The following TBCE variants were observed in gnomAD, a reference collection of about 807,000 sequenced individuals.
The protein encoded by TBCE is tubulin-specific chaperone E.
A neutral mutation model predicts 77.0 loss-of-function variants in TBCE; 53 were observed. That is an observed-to-expected ratio of 0.69 (90% CI 0.55 to 0.87). The LOEUF (loss-of-function observed/expected upper bound fraction) is 0.87. TBCE is among the 40% of genes least tolerant of loss of function. The pLI is 0.00. For missense variants in TBCE, 624 were observed against 622.4 expected, an observed-to-expected ratio of 1.00 and a Z score of -0.03; for synonymous variants, 235 against 241.3, an observed-to-expected ratio of 0.97 and a Z score of 0.24.
chr1:235,431,363 CT>C (rs60208965), intron 7 of TBCE, among the ~76,000 whole-genome samples: 3,530 of 141,108 alleles, frequency 0.025, 114 homozygotes, highest in African/African-American at 0.079. Context: ...ATTCCACTTT[CT>C]TTTTTTTTTT....
chr1:235,406,169 T>C (rs1679413669), intron 3 of TBCE, among the ~76,000 whole-genome samples: 1 of 152,230 alleles, frequency 6.6e-6, no homozygotes, highest in East Asian at 1.9e-4. Context: ...CATTTCAGGA[T>C]ATTTATGGGG....
intron 3 of TBCE, among the ~76,000 whole-genome samples, chr1:235,405,635 C>CAA (rs768409443): frequency 1.5e-5 from 2 of 136,750 alleles, no homozygotes; most frequent in African/African-American, 5.4e-5. Flanking sequence ...AACTGTGTCT[C>CAA]AAAAAAAAAA....
rs1040924750 is a variant in TBCE at position 235,434,110 on chromosome 1, T to C, written c.661-94T>C. The C allele has an allele frequency of 5.4e-6, 6 of 1,109,590 alleles. No homozygotes were observed. The Admixed American group carries it at 6.7e-5, about 12-fold the overall frequency. The allele number at this position is 1,109,590 out of a possible 1,614,324, so 68.7% of individuals were successfully genotyped here. ...GTGAGGCACTTGTTTGCTGAAACAGTAACTGAGCTGAATTCTTGTGGTGGT... is the reference window on the plus strand; with the variant it reads ...GTGAGGCACTTGTTTGCTGAAACAGCAACTGAGCTGAATTCTTGTGGTGGT... On this transcript the variant is annotated intron_variant, in intron 7 of 16. Transcript: ENST00000642610.
intron 2 of TBCE, among the ~76,000 whole-genome samples, chr1:235,388,283 C>CTTTTTT (rs908940784): frequency 3.9e-4 from 46 of 117,268 alleles, no homozygotes; most frequent in South Asian, 5.6e-4. Flanking sequence ...TCTGTTACTT[C>CTTTTTT]TTTTTTTTTT....
intron 1 of TBCE, among the ~76,000 whole-genome samples, chr1:235,368,817 C>T (rs1446999528): frequency 6.6e-6 from 1 of 151,948 alleles, no homozygotes; most frequent in Non-Finnish European, 1.5e-5. Context: ...CCACCTGCTT[C>T]AGCCTCCCAA....
Position 235,388,283 on chromosome 1 carries a change from C to CTT in TBCE, c.100+8155_100+8156dup, listed in dbSNP as rs908940784. ...CCATGCCCTTTCTTCTCTGTTACTT[C>CTT]TTTTTTTTTTTTTTTTTTTTTTGAG... On this transcript the variant is annotated intron_variant, in intron 2 of 16. Coordinates refer to ENST00000642610, the MANE Select transcript of TBCE (RefSeq NM_003193.5). 7.6e-3 allele frequency among the ~76,000 whole-genome samples: 885 copies of CTT among 117,210 alleles called. 6 individuals carry two copies. The highest frequency in any genetic ancestry group is 0.015 in the African/African-American group (456 of 30,096). 76.9% of individuals were successfully genotyped at this position (117,210 alleles called of 152,430 possible).
chr1:235,373,648 T>G (rs2102799626), intron 1 of TBCE, among the ~76,000 whole-genome samples: 1 of 151,252 alleles, frequency 6.6e-6, no homozygotes, highest in South Asian at 2.1e-4. Flanking sequence ...TTATTTTTAT[T>G]TTATTTTATT....
At chr1:235,382,335 T>C (rs947157835) in intron 2 of TBCE, among the ~76,000 whole-genome samples, 1 of 152,154 alleles carries the variant, frequency 6.6e-6, no homozygotes, top group African/African-American at 2.4e-5. Context: ...TACCCAGTAA[T>C]GGGATGGCTG....
At chr1:235,446,506 G>GA (rs745453347) in intron 15 of TBCE, among the ~76,000 whole-genome samples, 4 of 149,058 alleles carry the variant, frequency 2.7e-5, no homozygotes, top group African/African-American at 7.4e-5. Flanking sequence ...TATGAACACA[G>GA]AAAAAAAAAG....
intron 3 of TBCE, among the ~76,000 whole-genome samples, chr1:235,411,865 C>T (rs1679798923): frequency 6.6e-6 from 1 of 151,976 alleles, no homozygotes; most frequent in Admixed American, 6.6e-5. Flanking sequence ...GACCCCTGTG[C>T]CCCTTCAGGA....
intron 5 of TBCE, among the ~76,000 whole-genome samples, chr1:235,424,562 A>G (rs1168666315): frequency 6.6e-6 from 1 of 150,472 alleles, no homozygotes; most frequent in Non-Finnish European, 1.5e-5. Flanking sequence ...CTGGAGTGCA[A>G]TGGCATGATC....
In TBCE at chr1:235,391,029, G is replaced by A. The variant is rs140213925; in HGVS notation, c.101-10474G>A. 5.5e-3 allele frequency among the ~76,000 whole-genome samples: 844 copies of A among 152,146 alleles called. 8 individuals carry two copies. The highest frequency in any genetic ancestry group is 0.02 in the African/African-American group (812 of 41,500). On this transcript the variant is annotated intron_variant, in intron 2 of 16. Transcript: ENST00000642610. Reference sequence around the variant, plus strand: ...CAGGGGCCACAGTATGGGCTGCAGCGGTGTTCATTGCTACTGGGTTGGTCT... The same window carrying A: ...CAGGGGCCACAGTATGGGCTGCAGCAGTGTTCATTGCTACTGGGTTGGTCT...
At position 235,419,544 on chromosome 1, in the gene TBCE, T is replaced by C. The variant is rs1366670638; in HGVS notation, c.443T>C (p.Val148Ala). 1 of 1,613,752 alleles carries C rather than the reference T, an allele frequency of 6.2e-7. No homozygotes were observed. Among genetic ancestry groups the C allele is most frequent in the South Asian group, 1.1e-5 (1 of 91,052 alleles). ...AVSCAGEKGG[V>A]AEACPNIRKV... ...AGTTGTGCTGGTGAAAAAGGAGGAG[T>C]TGCTGAAGCATGTCCTAGTATCCTT... The change falls in exon 5 of 17, where the codon GTT (valine) becomes GCT (alanine). Residue 148 changes from valine to alanine, a missense_variant. By Grantham distance (64) the Val-to-Ala change is moderately conservative (BLOSUM62 0). Coordinates refer to ENST00000642610, the MANE Select transcript of TBCE (RefSeq NM_003193.5).
chr1:235,385,828 A>G (rs1572336391), intron 2 of TBCE, among the ~76,000 whole-genome samples: 2 of 152,096 alleles, frequency 1.3e-5, no homozygotes, highest in East Asian at 3.8e-4. Flanking sequence ...TTTAAAGTTA[A>G]TATTGTTATG....
chr1:235,421,838 G>A (rs1230438801), intron 5 of TBCE, among the ~76,000 whole-genome samples: 1 of 152,198 alleles, frequency 6.6e-6, no homozygotes, highest in African/African-American at 2.4e-5. Context: ...GTTTTGATCA[G>A]TTTTTTTCTG....
chr1:235,418,522 G>A (rs2102890014), intron 4 of TBCE: 1 of 152,370 alleles, frequency 6.6e-6, no homozygotes, highest in East Asian at 1.9e-4. Context: ...TGGTCATGCT[G>A]AAGCTGGGTG....
chr1:235,436,323 G>C (rs965669386), intron 9 of TBCE, 63 bp from the exon 10 acceptor site: 2 of 1,509,744 alleles, frequency 1.3e-6, no homozygotes, highest in Non-Finnish European at 1.8e-6. Flanking sequence ...AACCGAGTCT[G>C]GTTGATACCC....
At chr1:235,373,703 C>T (rs1677116827) in intron 1 of TBCE, among the ~76,000 whole-genome samples, 1 of 151,650 alleles carries the variant, frequency 6.6e-6, no homozygotes, top group South Asian at 2.1e-4. Flanking sequence ...GGCTGAAGTG[C>T]GGTGGCGCGA....
rs186057797 is a variant in TBCE at position 235,373,172 on chromosome 1, A to T, written c.-32+5668A>T. On this transcript the variant is annotated intron_variant, in intron 1 of 16. Transcript: ENST00000642610. ...ATAGTGAGGCCCTACTTTATTTTAA[A>T]GGAAGTTAATAAAAGAAGTAGAACA... Among the ~76,000 whole-genome samples, 4 of 152,162 alleles carry T rather than the reference A, an allele frequency of 2.6e-5. No homozygotes were observed. The East Asian group carries it at 7.7e-4, about 29-fold the overall frequency.
Sources: gnomAD v4.1 joint callset for allele counts (sites outside exome capture counted in the v4.1 genomes callset) on GRCh38, gnomAD v4.1.1 for gene constraint, MANE v1.5 for transcripts, NCBI Gene and HGNC (gene_info 2026-07-23, HGNC 2026-07-21) for gene names.